Variants in ZNF79 observed in about 807,000 individuals in gnomAD.
ZNF79 encodes ZNFpT7.
ZNF79 carries 13 observed loss-of-function variants against 14.9 expected under a neutral mutation model. The observed-to-expected ratio is 0.87, with a 90% CI of 0.57 to 1.38. The LOEUF is 1.38. Among genes scored for constraint, ZNF79 ranks in the 40% most tolerant of loss-of-function variants. The pLI, the probability that ZNF79 is intolerant of heterozygous loss-of-function variation, is 0.00. For missense variants in ZNF79, 631 were observed against 630.6 expected, an observed-to-expected ratio of 1.00 and a Z score of -0.01; for synonymous variants, 223 against 235.1, an observed-to-expected ratio of 0.95 and a Z score of 0.47.
chr9:127,426,653 G>A (rs2131940401), intron 1 of ZNF79, among the ~76,000 whole-genome samples: 1 of 152,322 alleles, frequency 6.6e-6, no homozygotes, highest in Admixed American at 6.5e-5. Flanking sequence ...GTCTCGCTTA[G>A]CACATCATTT....
At position 127,444,204 on chromosome 9, in the gene ZNF79, A is replaced by G. The variant is rs201857137; in HGVS notation, c.504A>G (p.Arg168=). The G allele has an allele frequency of 1.4e-5, 22 of 1,614,010 alleles. No homozygotes were observed. The African/African-American group carries it at 2.1e-4, about 16-fold the overall frequency. The part of the protein sequence containing the change: ...SPQQRVPVEA[R]PRKCETHTES... ...AACAGAGAGTGCCCGTGGAAGCGAGACCTCGCAAATGTGAGACACACACCG... is the reference window on the plus strand; with the variant it reads ...AACAGAGAGTGCCCGTGGAAGCGAGGCCTCGCAAATGTGAGACACACACCG... Residue 168 remains arginine (R), a synonymous_variant, in exon 5 of 5, where the codon AGA becomes AGG. Coordinates refer to ENST00000342483, the MANE Select transcript of ZNF79 (RefSeq NM_007135.3).
intron 4 of ZNF79, among the ~76,000 whole-genome samples, chr9:127,437,339 C>CG (rs1554750089): frequency 2.2e-5 from 1 of 44,652 alleles, no homozygotes; most frequent in African/African-American, 9.2e-5. Context: ...TCTCTCAAGG[C>CG]CCCCCCCCGC....
At chr9:127,434,490 C>T (rs952913524) in intron 2 of ZNF79, among the ~76,000 whole-genome samples, 11 of 152,176 alleles carry the variant, frequency 7.2e-5, no homozygotes, top group African/African-American at 2.4e-4. Flanking sequence ...CCCAAGCACC[C>T]ATTAATTTTT....
At chr9:127,435,350 G>C in intron 3 of ZNF79, 134 bp downstream of exon 3, 1 of 1,122,838 alleles carries the variant, frequency 8.9e-7, no homozygotes, top group East Asian at 2.8e-5. Context: ...TGTTCTCTTG[G>C]GGAAGGTCTC....
intron 2 of ZNF79, among the ~76,000 whole-genome samples, chr9:127,433,416 T>C (rs1833894219): frequency 6.6e-6 from 1 of 152,144 alleles, no homozygotes; most frequent in Non-Finnish European, 1.5e-5. Flanking sequence ...GGTTTCTCTG[T>C]TGCATTTTGT....
At chr9:127,429,167 C>T (rs1426145164) in intron 2 of ZNF79, among the ~76,000 whole-genome samples, 1 of 152,152 alleles carries the variant, frequency 6.6e-6, no homozygotes, top group African/African-American at 2.4e-5. Context: ...GCACGCATCA[C>T]CACACCCAGC....
Position 127,435,178 on chromosome 9 carries a change from A to G in ZNF79, c.194A>G (p.Glu65Gly). ...LVSTPRDRFK[E>G]GIPGKSRSLV... ...TCTACTCCACGGGACAGGTTCAAGGAGGGGATACCAGGAAAGTCCAGGAGC... is the reference window on the plus strand; with the variant it reads ...TCTACTCCACGGGACAGGTTCAAGGGGGGGATACCAGGAAAGTCCAGGAGC... The change falls in exon 3 of 5, where the codon GAG becomes GGG. Residue 65 changes from glutamate (E) to glycine (G), a missense_variant. Transcript: ENST00000342483. The G allele has an allele frequency of 2.5e-6, 4 of 1,612,140 alleles. No homozygotes were observed. Among genetic ancestry groups the G allele is most frequent in the Non-Finnish European group, 3.4e-6 (4 of 1,179,242 alleles).
chr9:127,427,081 C>G (rs943597811), intron 1 of ZNF79, among the ~76,000 whole-genome samples: 1 of 151,968 alleles, frequency 6.6e-6, no homozygotes, highest in Non-Finnish European at 1.5e-5. Flanking sequence ...CTATTTGTAT[C>G]TCTTGCTTGG....
chr9:127,439,666 G>C (rs1834016226), intron 4 of ZNF79, among the ~76,000 whole-genome samples: 1 of 152,122 alleles, frequency 6.6e-6, no homozygotes. Flanking sequence ...CACTTTCGCA[G>C]ACCCTGCTGG....
intron 2 of ZNF79, among the ~76,000 whole-genome samples, chr9:127,432,442 G>T (rs1176331716): frequency 6.6e-6 from 1 of 151,568 alleles, no homozygotes; most frequent in East Asian, 1.9e-4. Context: ...GAGCCACCAC[G>T]CCCGGCCTAA....
In ZNF79 at chr9:127,435,979, G is replaced by A. The variant is rs757843744; in HGVS notation, c.304G>A (p.Glu102Lys). Residue 102 changes from glutamate to lysine, a missense_variant, in exon 4 of 5, where the codon GAA becomes AAA. By Grantham distance (56) the Glu-to-Lys change is moderately conservative. Coordinates refer to ENST00000342483, the MANE Select transcript of ZNF79 (RefSeq NM_007135.3). The part of the protein sequence containing the change: ...QREGAWMLEG[E>K]DLRSPSPGWK... ...GGAAGGCGCATGGATGCTGGAGGGC[G>A]AAGACCTGCGAAGTCCCTCTCCAGG... The A allele has an allele frequency of 4.1e-5, 66 of 1,614,106 alleles. 2 individuals carry two copies. The South Asian group carries it at 6.0e-4, about 15-fold the overall frequency.
At chr9:127,432,756 G>C (rs868253576) in intron 2 of ZNF79, among the ~76,000 whole-genome samples, 1 of 152,018 alleles carries the variant, frequency 6.6e-6, no homozygotes, top group African/African-American at 2.4e-5. Flanking sequence ...ACTTTGGGCT[G>C]ACTGTCAATG....
chr9:127,432,292 C>G (rs1446135166), intron 2 of ZNF79, among the ~76,000 whole-genome samples: 1 of 151,624 alleles, frequency 6.6e-6, no homozygotes, highest in Admixed American at 6.6e-5. Context: ...GGAATACAGG[C>G]GTCCGCCACC....
chr9:127,439,665 A>G (rs1414493922), intron 4 of ZNF79, among the ~76,000 whole-genome samples: 5 of 152,204 alleles, frequency 3.3e-5, no homozygotes, highest in Non-Finnish European at 5.9e-5. Context: ...ACACTTTCGC[A>G]GACCCTGCTG....
rs927068263 is a variant in ZNF79 at position 127,424,539 on chromosome 9, G to T, written c.-249G>T. On this transcript the variant is annotated 5_prime_UTR_variant, in exon 1 of 5. Coordinates refer to ENST00000342483, the MANE Select transcript of ZNF79 (RefSeq NM_007135.3). Reference sequence around the variant, plus strand: ...GGCAGCGGCTTTTTCACCGGGTTCTGCTTGAGGCCGAGCCAAAGAGTGGCT... The same window carrying T: ...GGCAGCGGCTTTTTCACCGGGTTCTTCTTGAGGCCGAGCCAAAGAGTGGCT... The T allele has an allele frequency of 6.9e-5, 34 of 493,470 alleles. No homozygotes were observed. The highest frequency in any genetic ancestry group is 1.1e-4 in the Non-Finnish European group (30 of 273,324). 30.6% of individuals were successfully genotyped at this position (493,470 alleles called of 1,614,324 possible).
intron 2 of ZNF79, among the ~76,000 whole-genome samples, chr9:127,430,715 G>A (rs922053406): frequency 3.3e-5 from 5 of 152,166 alleles, no homozygotes; most frequent in East Asian, 1.9e-4. Context: ...CTTGGCTGTT[G>A]TGAACAGCAC....
chr9:127,428,713 C>T, intron 1 of ZNF79, 119 bp from the exon 2 acceptor site: 1 of 1,296,802 alleles, frequency 7.7e-7, no homozygotes, highest in Non-Finnish European at 9.9e-7. Context: ...TTACATCACA[C>T]TACAGGTCTG....
intron 1 of ZNF79, among the ~76,000 whole-genome samples, chr9:127,425,339 A>C (rs2131938660): frequency 6.6e-6 from 1 of 152,332 alleles, no homozygotes; most frequent in African/African-American, 2.4e-5. Flanking sequence ...AGAAAGGACA[A>C]AATAATGTTA....
Position 127,445,154 on chromosome 9 carries a change from G to C in ZNF79, c.1454G>C (p.Ser485Thr). Residue 485 changes from serine (S) to threonine (T), a missense_variant, in exon 5 of 5, where the codon AGC becomes ACC. Coordinates refer to ENST00000342483, the MANE Select transcript of ZNF79 (RefSeq NM_007135.3). Reference protein sequence around the residue: ...CSECGKAFRCSSAFVRHQRLH... With the variant: ...CSECGKAFRCTSAFVRHQRLH... ...GAGTGTGGGAAGGCCTTCCGGTGCA[G>C]CTCTGCCTTCGTTAGACATCAGAGA... 2 of 1,614,240 alleles carry C rather than the reference G, an allele frequency of 1.2e-6. No homozygotes were observed. The highest frequency in any genetic ancestry group is 8.5e-7 in the Non-Finnish European group (1 of 1,180,050).
Sources: allele counts gnomAD v4.1 joint callset (sites outside exome capture counted in the v4.1 genomes callset), GRCh38; gene constraint gnomAD v4.1.1; transcripts MANE v1.5; gene names NCBI Gene and HGNC (gene_info 2026-07-23, HGNC 2026-07-21).